Variants in CFAP299 observed in about 807,000 individuals in gnomAD.
CFAP299 encodes cilia- and flagella-associated protein 299.
A neutral mutation model predicts 27.0 loss-of-function variants in CFAP299; 21 were observed. The observed-to-expected ratio is 0.78, with a 90% CI of 0.55 to 1.12. CFAP299 has a LOEUF of 1.12. Ranked by LOEUF, CFAP299 falls within the 50% of genes most tolerant of loss-of-function variation. CFAP299 has a pLI of 0.00. For synonymous variants in CFAP299, 104 were observed against 98.1 expected, an observed-to-expected ratio of 1.06 and a Z score of -0.36; for missense variants, 310 against 276.6, an observed-to-expected ratio of 1.12 and a Z score of -0.86.
chr4:80,642,422 G>C (rs1003944891), intron 3 of CFAP299, among the ~76,000 whole-genome samples: 2 of 152,036 alleles, frequency 1.3e-5, no homozygotes, highest in Non-Finnish European at 2.9e-5. Context: ...AGAATTTCTG[G>C]GATCCACAGT....
chr4:80,494,165 G>C (rs973159656), intron 2 of CFAP299, among the ~76,000 whole-genome samples: 2 of 152,030 alleles, frequency 1.3e-5, no homozygotes, highest in Non-Finnish European at 2.9e-5. Flanking sequence ...GAATCAGCTG[G>C]TTCCTGTCCA....
chr4:80,569,796 GA>G (rs1376732981), intron 2 of CFAP299, among the ~76,000 whole-genome samples: 1 of 151,802 alleles, frequency 6.6e-6, no homozygotes, highest in Non-Finnish European at 1.5e-5. Flanking sequence ...AAACTTTATT[GA>G]AAAAACTTTA....
intron 2 of CFAP299, among the ~76,000 whole-genome samples, chr4:80,467,005 A>G (rs575003231): frequency 8.4e-4 from 128 of 152,344 alleles, no homozygotes; most frequent in African/African-American, 2.9e-3. Context: ...TTAAAATTCA[A>G]TAGTTTAGCT....
In CFAP299 at chr4:80,581,453, G is replaced by GATTATATATATAT. The variant is rs1553936102; in HGVS notation, c.243-1638_243-1637insTATATATATATAT. Among the ~76,000 whole-genome samples the GATTATATATATAT allele has an allele frequency of 6.8e-5, 7 of 103,018 alleles. 1 individual carries two copies. Among genetic ancestry groups the GATTATATATATAT allele is most frequent in the African/African-American group, 3.8e-4 (6 of 15,940 alleles). The allele number at this position is 103,018 out of a possible 152,430, so 67.6% of individuals were successfully genotyped here. A position where few individuals can be genotyped will look rare whatever the true frequency, so the allele number is the denominator to read the frequency against. ...TGATATATATATAGATATTAAGTGA[G>GATTATATATATAT]ATATATATATATATATATATATATA... On this transcript the variant is annotated intron_variant, in intron 2 of 5. Coordinates refer to ENST00000358105, the MANE Select transcript of CFAP299 (RefSeq NM_152770.3).
At chr4:80,565,465 A>T (rs183768668) in intron 2 of CFAP299, among the ~76,000 whole-genome samples, 1 of 152,096 alleles carries the variant, frequency 6.6e-6, no homozygotes, top group African/African-American at 2.4e-5. Flanking sequence ...AAAACGATCT[A>T]TGTAGAAGGA....
intron 3 of CFAP299, among the ~76,000 whole-genome samples, chr4:80,764,943 T>C (rs925509277): frequency 2.6e-5 from 4 of 150,954 alleles, no homozygotes; most frequent in Admixed American, 2.6e-4. Context: ...TGTGGAGGGG[T>C]TGGGGGGCAA....
chr4:80,430,206 A>G (rs1422643366), intron 2 of CFAP299, among the ~76,000 whole-genome samples: 1 of 152,230 alleles, frequency 6.6e-6, no homozygotes, highest in Non-Finnish European at 1.5e-5. Context: ...GAATTTATTA[A>G]TGACAAACAC....
At chr4:80,812,386 A>G (rs1380828813) in intron 3 of CFAP299, among the ~76,000 whole-genome samples, 1 of 152,140 alleles carries the variant, frequency 6.6e-6, no homozygotes, top group South Asian at 2.1e-4. Flanking sequence ...AACATTACAC[A>G]TAAGAGAGTC....
intron 3 of CFAP299, among the ~76,000 whole-genome samples, chr4:80,839,519 T>C (rs1730750162): frequency 6.6e-6 from 1 of 152,122 alleles, no homozygotes; most frequent in Non-Finnish European, 1.5e-5. Flanking sequence ...CAGCCTAACT[T>C]GAGGCAGGCC....
At chr4:80,816,490 A>G (rs914305187) in intron 3 of CFAP299, among the ~76,000 whole-genome samples, 2 of 152,262 alleles carry the variant, frequency 1.3e-5, no homozygotes, top group Non-Finnish European at 2.9e-5. Context: ...TTTGATTCCA[A>G]TTTAGCAGAG....
At chr4:80,652,429 G>A (rs1408897092) in intron 3 of CFAP299, among the ~76,000 whole-genome samples, 1 of 152,074 alleles carries the variant, frequency 6.6e-6, no homozygotes, top group Non-Finnish European at 1.5e-5. Flanking sequence ...AGAGAAGCGG[G>A]TGTAATCAGG....
chr4:80,417,527 T>C (rs940051483), intron 2 of CFAP299, among the ~76,000 whole-genome samples: 1 of 152,178 alleles, frequency 6.6e-6, no homozygotes, highest in Non-Finnish European at 1.5e-5. Context: ...GGTAGCTCTT[T>C]CCTTGAAATC....
intron 3 of CFAP299, among the ~76,000 whole-genome samples, chr4:80,687,839 C>T (rs1030276198): frequency 3.8e-4 from 58 of 152,016 alleles, no homozygotes; most frequent in African/African-American, 1.2e-3. Context: ...GCGCACCGTG[C>T]GCAAGCCGAA....
At chr4:80,684,992 A>G (rs1032912185) in intron 3 of CFAP299, among the ~76,000 whole-genome samples, 3 of 152,208 alleles carry the variant, frequency 2.0e-5, no homozygotes, top group African/African-American at 7.2e-5. Flanking sequence ...ACAATAATGT[A>G]TGTATTATTT....
chr4:80,830,438 A>C (rs1578163889), intron 3 of CFAP299, among the ~76,000 whole-genome samples: 1 of 152,108 alleles, frequency 6.6e-6, no homozygotes, highest in African/African-American at 2.4e-5. Flanking sequence ...AGGTTTAGGC[A>C]GAAGGAAATC....
intron 3 of CFAP299, among the ~76,000 whole-genome samples, chr4:80,588,394 AG>A (rs574692079): frequency 6.7e-6 from 1 of 150,326 alleles, no homozygotes; most frequent in East Asian, 1.9e-4. Flanking sequence ...TAGCCATTTT[AG>A]GGAAAAAAAA....
intron 3 of CFAP299, among the ~76,000 whole-genome samples, chr4:80,778,758 C>T (rs1726704773): frequency 6.6e-6 from 1 of 152,042 alleles, no homozygotes; most frequent in South Asian, 2.1e-4. Flanking sequence ...ATTTCACTTA[C>T]ACAGTTTTTC....
At chr4:80,635,070 A>T (rs1739412495) in intron 3 of CFAP299, among the ~76,000 whole-genome samples, 1 of 152,174 alleles carries the variant, frequency 6.6e-6, no homozygotes, top group African/African-American at 2.4e-5. Flanking sequence ...CAGTTTTCTT[A>T]AAACAGGCAC....
At chr4:80,640,486 C>T (rs927030409) in intron 3 of CFAP299, among the ~76,000 whole-genome samples, 2 of 152,178 alleles carry the variant, frequency 1.3e-5, no homozygotes, top group Non-Finnish European at 2.9e-5. Flanking sequence ...GCTGCTTAGC[C>T]TATGAAAATA....
Sources: gnomAD v4.1 joint callset for allele counts (sites outside exome capture counted in the v4.1 genomes callset) on GRCh38, gnomAD v4.1.1 for gene constraint, MANE v1.5 for transcripts, NCBI Gene and HGNC (gene_info 2026-07-23, HGNC 2026-07-21) for gene names.